The following OSTM1 variants were observed in gnomAD, a reference collection of about 807,000 sequenced individuals.
The protein encoded by OSTM1 is osteopetrosis-associated transmembrane protein 1.
A neutral mutation model predicts 35.4 loss-of-function variants in OSTM1; 26 were observed. The ratio of observed to expected loss-of-function variants is 0.73; its 90% CI spans 0.54 to 1.02. The LOEUF is 1.02. Ranked by LOEUF, OSTM1 falls within the 50% of genes least tolerant of loss-of-function variation. The probability of loss-of-function intolerance (pLI) is 0.00; values close to 1 mark genes in which losing one functional copy is unlikely to be tolerated. For synonymous variants in OSTM1, 181 were observed against 165.0 expected, an observed-to-expected ratio of 1.10 and a Z score of -0.75; for missense variants, 366 against 409.6, an observed-to-expected ratio of 0.89 and a Z score of 0.92.
At position 108,043,915 on chromosome 6, in the gene OSTM1, A is replaced by T. The variant is rs983532006; in HGVS notation, c.*870T>A. On this transcript the variant is annotated 3_prime_UTR_variant, in exon 6 of 6. Transcript: ENST00000193322. The stretch of plus-strand genomic sequence containing the variant: ...GTCTCTCTTCTCCAAAATCCTCTAT[A>T]TATCTTAAGAAGAAAATATTCCTTT... 1.3e-5 allele frequency: 2 copies of T among 152,422 alleles called. No homozygotes were observed. Among genetic ancestry groups the T allele is most frequent in the Non-Finnish European group, 2.9e-5 (2 of 68,026 alleles). The allele number at this position is 152,422 out of a possible 1,614,324, so 9.4% of individuals were successfully genotyped here. A position where few individuals can be genotyped will look rare whatever the true frequency, so the allele number is the denominator to read the frequency against.
intron 1 of OSTM1, among the ~76,000 whole-genome samples, chr6:108,070,097 G>A (rs995580403): frequency 6.6e-6 from 1 of 151,988 alleles, no homozygotes; most frequent in Non-Finnish European, 1.5e-5. Context: ...GAGTGCAGTG[G>A]TGCAAACTTG....
At chr6:108,050,263 A>G (rs1314380081) in intron 4 of OSTM1, among the ~76,000 whole-genome samples, 1 of 151,462 alleles carries the variant, frequency 6.6e-6, no homozygotes, top group African/African-American at 2.4e-5. Flanking sequence ...ATAAATAAAT[A>G]TTTTCAGATG....
intron 1 of OSTM1, among the ~76,000 whole-genome samples, chr6:108,064,817 GACAAGGAGTTAT>G (rs1417802960): frequency 6.6e-6 from 1 of 152,140 alleles, no homozygotes; most frequent in Non-Finnish European, 1.5e-5. Context: ...CAGTTACACA[GACAAGGAGTTAT>G]ACAGTGTGAT....
intron 1 of OSTM1, 74 bp downstream of exon 1, chr6:108,074,176 C>A (rs765341248): frequency 1.5e-4 from 219 of 1,458,238 alleles, no homozygotes; most frequent in Middle Eastern, 3.4e-4. Context: ...AGGCCCCCAG[C>A]GCTGACCATC....
intron 5 of OSTM1, among the ~76,000 whole-genome samples, chr6:108,046,249 T>C (rs1005827758): frequency 1.3e-5 from 2 of 148,956 alleles, no homozygotes; most frequent in Non-Finnish European, 3.0e-5. Context: ...CTTGATCTCC[T>C]GACCTCATGA....
intron 4 of OSTM1, 180 bp from the exon 5 acceptor site, chr6:108,049,598 A>G (rs1456484649): frequency 5.0e-6 from 7 of 1,403,128 alleles, no homozygotes; most frequent in Admixed American, 2.9e-5. Context: ...TTCAAAATAC[A>G]GTCATTGTAG....
At chr6:108,058,671 A>G (rs62427060) in intron 2 of OSTM1, among the ~76,000 whole-genome samples, 35,090 of 151,652 alleles carry the variant, frequency 0.23, 4,142 homozygotes, top group Admixed American at 0.26. Context: ...CCAGCTACTC[A>G]GGAGGCTGAG....
chr6:108,071,359 G>A (rs1292133856), intron 1 of OSTM1, among the ~76,000 whole-genome samples: 3 of 151,268 alleles, frequency 2.0e-5, no homozygotes, highest in Non-Finnish European at 2.9e-5. Flanking sequence ...AGGTTGGAGA[G>A]TGGTGGCACT....
intron 5 of OSTM1, among the ~76,000 whole-genome samples, chr6:108,047,905 C>T (rs1025744666): frequency 1.3e-5 from 2 of 152,114 alleles, no homozygotes. Context: ...AAATAAGATG[C>T]TAAACTTTAA....
At position 108,074,305 on chromosome 6, in the gene OSTM1, T is replaced by A. The variant is rs750314879; in HGVS notation, c.347A>T (p.Tyr116Phe). 13 of 1,611,830 alleles carry A rather than the reference T, an allele frequency of 8.1e-6. No homozygotes were observed. The highest frequency in any genetic ancestry group is 1.1e-5 in the Non-Finnish European group (13 of 1,179,868). ...GCTGACGACCTGTTGGAAGAGGGGGTAGCAGGTCTGACAGAGGCGCACGGG... is the reference window on the plus strand; with the variant it reads ...GCTGACGACCTGTTGGAAGAGGGGGAAGCAGGTCTGACAGAGGCGCACGGG... ...ARPVRLCQTC[Y>F]PLFQQVVSKM... Residue 116 changes from tyrosine to phenylalanine, a missense_variant, in exon 1 of 6, where the codon TAC becomes TTC. This residue lies in a region of OSTM1 where 236 missense variants were observed against 239.3 expected (regional missense o/e 0.99). Coordinates refer to ENST00000193322, the MANE Select transcript of OSTM1 (RefSeq NM_014028.4).
intron 2 of OSTM1, among the ~76,000 whole-genome samples, chr6:108,062,964 G>A (rs1008132044): frequency 8.5e-6 from 1 of 117,534 alleles, no homozygotes; most frequent in Non-Finnish European, 1.8e-5. Context: ...TGGAACATCT[G>A]TTGCCCTTTT....
chr6:108,072,380 T>C (rs1036686601), intron 1 of OSTM1, among the ~76,000 whole-genome samples: 1 of 152,170 alleles, frequency 6.6e-6, no homozygotes, highest in African/African-American at 2.4e-5. Context: ...ACACCTGTAA[T>C]CCCAAATCTT....
chr6:108,058,790 A>AT (rs60077065), intron 2 of OSTM1, among the ~76,000 whole-genome samples: 8 of 152,146 alleles, frequency 5.3e-5, no homozygotes, highest in Admixed American at 3.3e-4. Context: ...AAAAAAAAAA[A>AT]TGTTTTGGTT....
chr6:108,063,296 C>T (rs899710864), intron 2 of OSTM1, among the ~76,000 whole-genome samples: 3 of 152,188 alleles, frequency 2.0e-5, no homozygotes, highest in Non-Finnish European at 2.9e-5. Flanking sequence ...GGATTACAGG[C>T]GTGAGCCGCC....
intron 1 of OSTM1, among the ~76,000 whole-genome samples, chr6:108,065,911 T>C (rs985206019): frequency 6.6e-6 from 1 of 152,148 alleles, no homozygotes; most frequent in Admixed American, 6.5e-5. Flanking sequence ...CAGGAAGATA[T>C]CAATGTAGTT....
intron 2 of OSTM1, among the ~76,000 whole-genome samples, chr6:108,063,319 T>C (rs1772319467): frequency 6.6e-6 from 1 of 152,222 alleles, no homozygotes; most frequent in South Asian, 2.1e-4. Flanking sequence ...ACTGGCGTCA[T>C]CTCTACTTAT....
rs1044487993 is a variant in OSTM1 at position 108,074,710 on chromosome 6, G to T, written c.-59C>A. The T allele has an allele frequency of 7.0e-7, 1 of 1,437,584 alleles. No homozygotes were observed. Among genetic ancestry groups the T allele is most frequent in the African/African-American group, 1.5e-5 (1 of 66,794 alleles). 89.1% of individuals were successfully genotyped at this position (1,437,584 alleles called of 1,614,324 possible). On this transcript the variant is annotated 5_prime_UTR_variant, in exon 1 of 6. Coordinates refer to ENST00000193322, the MANE Select transcript of OSTM1 (RefSeq NM_014028.4). ...CGCCTCTCCGCCCCCAGCCGGCACC[G>T]CGGACAGCCGCCGCTTCCGGTTTCC... is the stretch of plus-strand genomic sequence containing the variant.
chr6:108,044,648 TA>T lies in OSTM1; in HGVS notation c.*136del, dbSNP rs1771934637. 6 of 530,380 alleles carry T rather than the reference TA, an allele frequency of 1.1e-5. No individual in the cohort carries two copies. The highest frequency in any genetic ancestry group is 2.1e-5 in the Non-Finnish European group (6 of 291,566). The allele number at this position is 530,380 out of a possible 1,614,324, so 32.9% of individuals were successfully genotyped here. Reference sequence around the variant, plus strand: ...AAAGGAAAGAAAAATCGAAAATTCTTATTTAAAAATGGATCTGAAGTCCTTG... The same window carrying T: ...AAAGGAAAGAAAAATCGAAAATTCTTTTTAAAAATGGATCTGAAGTCCTTG... On this transcript the variant is annotated 3_prime_UTR_variant, in exon 6 of 6. Transcript: ENST00000193322.
chr6:108,054,571 G>T lies in OSTM1; in HGVS notation c.534C>A (p.Asn178Lys), dbSNP rs973813146. The change falls in exon 3 of 6, where the codon AAC (asparagine) becomes AAA (lysine). Residue 178 changes from asparagine to lysine, a missense_variant. Physicochemically the swap from Asn to Lys is moderately conservative, Grantham distance 94 (BLOSUM62 0). Transcript: ENST00000193322. ...EANCANCLTNNSEELSNSTVY... is the reference protein window; with the variant it reads ...EANCANCLTNKSEELSNSTVY... The stretch of plus-strand genomic sequence containing the variant: ...CTGTGCTGTTTGATAATTCTTCACT[G>T]TTGTTTGTTAAACAATCTGTCAAAA... 2 of 1,536,702 alleles carry T rather than the reference G, an allele frequency of 1.3e-6. No individual in the cohort carries two copies. Among genetic ancestry groups the T allele is most frequent in the South Asian group, 1.1e-5 (1 of 88,738 alleles).
Sources: allele counts gnomAD v4.1 joint callset (sites outside exome capture counted in the v4.1 genomes callset), GRCh38; gene constraint gnomAD v4.1.1; regional missense constraint gnomAD v4.1.1; transcripts MANE v1.5; gene names NCBI Gene and HGNC (gene_info 2026-07-23, HGNC 2026-07-21).